Variants in PTPRD observed in about 807,000 individuals in gnomAD.
PTPRD encodes the protein receptor-type tyrosine-protein phosphatase delta.
PTPRD carries 34 observed loss-of-function variants against 214.5 expected under a neutral mutation model. The observed-to-expected ratio is 0.16, with a 90% confidence interval of 0.12 to 0.21. The LOEUF is 0.21. PTPRD is among the 10% of genes least tolerant of loss of function. The pLI is 1.00. For missense variants in PTPRD, 2,545 were observed against 2,398.7 expected, an observed-to-expected ratio of 1.06 and a Z score of -1.27; for synonymous variants, 1,128 against 845.7, an observed-to-expected ratio of 1.33 and a Z score of -5.79.
chr9:9,290,655 A>G (rs1310159761), intron 9 of PTPRD, among the ~76,000 whole-genome samples: 1 of 151,566 alleles, frequency 6.6e-6, no homozygotes, highest in Non-Finnish European at 1.5e-5. Context: ...AAACTCGGTT[A>G]ATGACTCTGT....
At position 8,401,861 on chromosome 9, in the gene PTPRD, C is replaced by A. The variant is rs369456311; in HGVS notation, c.4210+2676G>T. On this transcript the variant is annotated intron_variant, in intron 36 of 45. Transcript: ENST00000381196. ...AAACACCCAAATTAAAACTCTCAAC[C>A]AAAGTCACTTAAGTTAGTAACATTG... 5.3e-5 allele frequency among the ~76,000 whole-genome samples: 8 copies of A among 152,054 alleles called. 1 individual carries two copies. The South Asian group carries it at 6.3e-4, about 12-fold the overall frequency.
At chr9:10,092,712 G>T (rs1010007514) in intron 3 of PTPRD, among the ~76,000 whole-genome samples, 1 of 151,486 alleles carries the variant, frequency 6.6e-6, no homozygotes, top group Non-Finnish European at 1.5e-5. Context: ...ATACTATAAA[G>T]ATATAGTAAC....
At chr9:9,846,784 T>C (rs951842174) in intron 5 of PTPRD, among the ~76,000 whole-genome samples, 12 of 152,006 alleles carry the variant, frequency 7.9e-5, no homozygotes, top group Non-Finnish European at 1.0e-4. Context: ...AAATGAAACA[T>C]TGAGAGCTGG....
intron 3 of PTPRD, among the ~76,000 whole-genome samples, chr9:10,169,468 T>C (rs2099186086): frequency 1.1e-5 from 1 of 93,640 alleles, no homozygotes; most frequent in Non-Finnish European, 2.0e-5. Flanking sequence ...AGCGAGACTC[T>C]GTCTCAAAAA....
At chr9:8,485,421 C>T (rs1252070915) in intron 28 of PTPRD, 97 bp from the exon 29 acceptor site, 5 of 794,306 alleles carry the variant, frequency 6.3e-6, no homozygotes, top group Non-Finnish European at 1.0e-5. Flanking sequence ...TAGATGCTGT[C>T]TACTTTGATC....
chr9:10,041,692 A>C (rs1372664034), intron 3 of PTPRD, among the ~76,000 whole-genome samples: 1 of 152,000 alleles, frequency 6.6e-6, no homozygotes, highest in Non-Finnish European at 1.5e-5. Context: ...AACTTATTTA[A>C]TTTTACTGAA....
At chr9:8,672,218 C>A (rs1199052632) in intron 12 of PTPRD, among the ~76,000 whole-genome samples, 4 of 152,106 alleles carry the variant, frequency 2.6e-5, no homozygotes, top group Non-Finnish European at 5.9e-5. Context: ...AAATCCATTT[C>A]TTCGCTGAGA....
chr9:8,838,160 G>A (rs566228610), intron 11 of PTPRD, among the ~76,000 whole-genome samples: 1 of 151,876 alleles, frequency 6.6e-6, no homozygotes, highest in South Asian at 2.1e-4. Flanking sequence ...AATCACAGAT[G>A]TATAAAAAAA....
intron 2 of PTPRD, among the ~76,000 whole-genome samples, chr9:10,574,407 A>G (rs1278390980): frequency 6.6e-6 from 1 of 152,142 alleles, no homozygotes. Flanking sequence ...TATTGAAATA[A>G]TTACTGTACT....
chr9:8,759,644 C>A (rs1219413795), intron 11 of PTPRD, among the ~76,000 whole-genome samples: 1 of 136,966 alleles, frequency 7.3e-6, no homozygotes, highest in Non-Finnish European at 1.5e-5. Flanking sequence ...CCTCATCAAT[C>A]TTCTTTTCCT....
intron 4 of PTPRD, among the ~76,000 whole-genome samples, chr9:9,969,047 C>T (rs1012510191): frequency 6.6e-6 from 1 of 152,058 alleles, no homozygotes; most frequent in Non-Finnish European, 1.5e-5. Context: ...TACTTAAATA[C>T]TTGTAAAATT....
chr9:10,001,371 T>C (rs1430863042), intron 4 of PTPRD, among the ~76,000 whole-genome samples: 3 of 150,188 alleles, frequency 2.0e-5, no homozygotes, highest in African/African-American at 7.3e-5. Flanking sequence ...TAGTCAAAAG[T>C]TTCCCAAATT....
intron 20 of PTPRD, among the ~76,000 whole-genome samples, chr9:8,519,042 G>A (rs750265302): frequency 2.6e-5 from 4 of 151,818 alleles, no homozygotes; most frequent in African/African-American, 9.7e-5. Flanking sequence ...TCTATATTCT[G>A]GTAAGACACA....
At position 10,566,740 on chromosome 9, in the gene PTPRD, A is replaced by C. The variant is rs138729664; in HGVS notation, c.-600+45658T>G. ...CATGGTTTGCGTTTTTTTGCGACTT[A>C]AGAAATTTTCCCTTACCTTGAGTCA... is the stretch of plus-strand genomic sequence containing the variant. On this transcript the variant is annotated intron_variant, in intron 2 of 45. Transcript: ENST00000381196. 5.3e-5 allele frequency among the ~76,000 whole-genome samples: 8 copies of C among 151,994 alleles called. No individual in the cohort carries two copies. The East Asian group carries it at 1.4e-3, about 26-fold the overall frequency.
intron 10 of PTPRD, among the ~76,000 whole-genome samples, chr9:9,085,896 C>T (rs2099766403): frequency 6.6e-6 from 1 of 152,170 alleles, no homozygotes; most frequent in African/African-American, 2.4e-5. Flanking sequence ...GAAGGATTAT[C>T]AGTTACTTGT....
At chr9:9,886,819 T>TCA in intron 5 of PTPRD, among the ~76,000 whole-genome samples, 1 of 152,226 alleles carries the variant, frequency 6.6e-6, no homozygotes, top group South Asian at 2.1e-4. Flanking sequence ...CTGCCATGCT[T>TCA]TGATGAAGTT....
At chr9:10,065,366 C>A (rs1038393568) in intron 3 of PTPRD, among the ~76,000 whole-genome samples, 1 of 151,802 alleles carries the variant, frequency 6.6e-6, no homozygotes. Context: ...AAATTTTTGA[C>A]AAAAACAAAA....
chr9:9,071,655 T>C (rs1430739002), intron 10 of PTPRD, among the ~76,000 whole-genome samples: 1 of 152,084 alleles, frequency 6.6e-6, no homozygotes, highest in African/African-American at 2.4e-5. Context: ...ACAACTTGAA[T>C]GAAACTAGAA....
intron 27 of PTPRD, among the ~76,000 whole-genome samples, chr9:8,492,382 C>A (rs778821262): frequency 2.6e-5 from 4 of 152,112 alleles, no homozygotes; most frequent in Admixed American, 6.5e-5. Context: ...TTAAATAATC[C>A]TTCCTCTACC....
Sources: allele counts gnomAD v4.1 joint callset (sites outside exome capture counted in the v4.1 genomes callset), GRCh38; gene constraint gnomAD v4.1.1; transcripts MANE v1.5; gene names NCBI Gene and HGNC (gene_info 2026-07-23, HGNC 2026-07-21).